The following CNTN5 variants were observed in gnomAD, a reference collection of about 807,000 sequenced individuals.
CNTN5 encodes contactin-5.
A neutral mutation model predicts 129.1 loss-of-function variants in CNTN5; 77 were observed. That is an observed-to-expected ratio of 0.60 (90% CI 0.50 to 0.72). The LOEUF (loss-of-function observed/expected upper bound fraction) is 0.72. CNTN5 is among the 30% of genes least tolerant of loss of function. The pLI is 0.00. For synonymous variants in CNTN5, 509 were observed against 465.6 expected (o/e 1.09, Z -1.20); for missense variants, 1,478 against 1,328.8 (o/e 1.11, Z -1.75).
intron 2 of CNTN5, among the ~76,000 whole-genome samples, chr11:99,334,839 TA>T (rs1461555090): frequency 2.0e-5 from 3 of 151,700 alleles, no homozygotes; most frequent in Admixed American, 6.6e-5. Context: ...TCTTTTTTCT[TA>T]ATTGTTACTA....
At chr11:99,608,598 C>T (rs1950502527) in intron 3 of CNTN5, among the ~76,000 whole-genome samples, 1 of 152,030 alleles carries the variant, frequency 6.6e-6, no homozygotes, top group Non-Finnish European at 1.5e-5. Context: ...TATGAAGAGA[C>T]ACAGGGAGAT....
At chr11:99,038,806 A>G (rs1005552821) in intron 1 of CNTN5, among the ~76,000 whole-genome samples, 2 of 151,992 alleles carry the variant, frequency 1.3e-5, no homozygotes, top group South Asian at 2.1e-4. Context: ...TACATCTTTC[A>G]TTATAAAATG....
At chr11:99,087,059 TG>T (rs1048831925) in intron 1 of CNTN5, among the ~76,000 whole-genome samples, 12 of 152,184 alleles carry the variant, frequency 7.9e-5, no homozygotes, top group African/African-American at 2.9e-4. Context: ...AATCTGGCTG[TG>T]GGTTTTTTGT....
chr11:99,832,462 C>G lies in CNTN5; in HGVS notation c.278-12390C>G, dbSNP rs75815469. 6.6e-3 allele frequency among the ~76,000 whole-genome samples: 1,000 copies of G among 152,232 alleles called. 10 individuals are homozygous for G. Among genetic ancestry groups the G allele is most frequent in the African/African-American group, 0.023 (938 of 41,548 alleles). ...ACTTTAACTTATGTTGTGTGTACAA[C>G]GAAATGCTACACTACCCATGAAACA... On this transcript the variant is annotated intron_variant, in intron 4 of 24. Transcript: ENST00000524871.
intron 3 of CNTN5, among the ~76,000 whole-genome samples, chr11:99,569,545 C>A (rs2135573042): frequency 6.6e-6 from 1 of 152,260 alleles, no homozygotes; most frequent in Admixed American, 6.5e-5. Context: ...AACTCCTGAC[C>A]TTGTGGTCCG....
intron 9 of CNTN5, among the ~76,000 whole-genome samples, chr11:100,056,925 C>G (rs1310423002): frequency 6.6e-6 from 1 of 151,578 alleles, no homozygotes. Flanking sequence ...TATATAAAAA[C>G]TAATTTTTAA....
rs34622017 is a variant in CNTN5 at position 99,792,573 on chromosome 11, G to GTGTGTGTCTGTC, written c.56-26968_56-26967insGTGTCTGTCTGT. Among the ~76,000 whole-genome samples, 540 of 116,660 alleles carry GTGTGTGTCTGTC rather than the reference G, an allele frequency of 4.6e-3. 5 individuals are homozygous for GTGTGTGTCTGTC. The highest frequency in any genetic ancestry group is 0.03 in the East Asian group (123 of 4,070). The allele number at this position is 116,660 out of a possible 152,430, so 76.5% of individuals were successfully genotyped here. On this transcript the variant is annotated intron_variant, in intron 3 of 24. Transcript: ENST00000524871. ...TGTGTGTGTGTGTGTGTGTGTGTGTGTGTCTGTCTGTCTGTCTGTCTGTCT... is the reference window on the plus strand; with the variant it reads ...TGTGTGTGTGTGTGTGTGTGTGTGTGTGTGTGTCTGTCTGTCTGTCTGTCTGTCTGTCTGTCT...
At chr11:99,318,723 G>A (rs1250255891) in intron 1 of CNTN5, among the ~76,000 whole-genome samples, 1 of 152,074 alleles carries the variant, frequency 6.6e-6, no homozygotes, top group Non-Finnish European at 1.5e-5. Flanking sequence ...CAGCTGAGCA[G>A]GTTTGGTACC....
chr11:100,020,328 C>A (rs369854902), intron 9 of CNTN5, among the ~76,000 whole-genome samples: 8 of 151,458 alleles, frequency 5.3e-5, no homozygotes, highest in African/African-American at 1.9e-4. Context: ...AGACAAAGGC[C>A]CTATTTTATT....
chr11:99,879,213 C>G (rs1948710859), intron 6 of CNTN5, among the ~76,000 whole-genome samples: 1 of 152,100 alleles, frequency 6.6e-6, no homozygotes, highest in Non-Finnish European at 1.5e-5. Flanking sequence ...GCTGGGATTA[C>G]AGGCGTGATC....
At chr11:99,370,861 C>A (rs1939777530) in intron 2 of CNTN5, among the ~76,000 whole-genome samples, 1 of 152,100 alleles carries the variant, frequency 6.6e-6, no homozygotes, top group Non-Finnish European at 1.5e-5. Flanking sequence ...TAGATAATGG[C>A]AAAAGATAAT....
At chr11:99,932,515 A>G (rs1229278886) in intron 7 of CNTN5, among the ~76,000 whole-genome samples, 2 of 152,138 alleles carry the variant, frequency 1.3e-5, no homozygotes, top group African/African-American at 2.4e-5. Context: ...TTTTTAAAGT[A>G]CATACCTTAA....
chr11:100,076,242 C>T (rs552805024), intron 13 of CNTN5, among the ~76,000 whole-genome samples: 1 of 152,036 alleles, frequency 6.6e-6, no homozygotes, highest in South Asian at 2.1e-4. Context: ...AATATATATG[C>T]CTTATCTACG....
chr11:99,695,713 C>T (rs1047324794), intron 3 of CNTN5, among the ~76,000 whole-genome samples: 6 of 151,538 alleles, frequency 4.0e-5, no homozygotes, highest in Non-Finnish European at 5.9e-5. Flanking sequence ...TCCATCTCTA[C>T]AAAATAAATA....
chr11:99,706,391 C>T (rs1344914671), intron 3 of CNTN5, among the ~76,000 whole-genome samples: 2 of 151,422 alleles, frequency 1.3e-5, no homozygotes, highest in African/African-American at 4.8e-5. Context: ...GGGTTTAAGT[C>T]ATTTAAAATA....
At chr11:100,073,170 C>G (rs546095152) in intron 12 of CNTN5, among the ~76,000 whole-genome samples, 18 of 151,926 alleles carry the variant, frequency 1.2e-4, no homozygotes, top group Non-Finnish European at 2.2e-4. Flanking sequence ...CCTCAGCGTC[C>G]CAAGTAGCTG....
At position 99,782,997 on chromosome 11, in the gene CNTN5, T is replaced by G. The variant is rs1407647116; in HGVS notation, c.56-36547T>G. ...ACAAATGGGATCTAATTAAAGAGCT[T>G]CTGCACAGCAAAAGAAACTACCATC... On this transcript the variant is annotated intron_variant, in intron 3 of 24. Coordinates refer to ENST00000524871, the MANE Select transcript of CNTN5 (RefSeq NM_014361.4). Among the ~76,000 whole-genome samples, 53 of 151,200 alleles carry G rather than the reference T, an allele frequency of 3.5e-4. 1 individual carries two copies. Among genetic ancestry groups the G allele is most frequent in the Admixed American group, 3.2e-3 (49 of 15,112 alleles).
chr11:100,333,659 A>C (rs1372926767), intron 21 of CNTN5, among the ~76,000 whole-genome samples: 1 of 152,178 alleles, frequency 6.6e-6, no homozygotes, highest in Non-Finnish European at 1.5e-5. Flanking sequence ...GATCTTTGAC[A>C]AATCAAACAA....
At position 99,965,735 on chromosome 11, in the gene CNTN5, G is replaced by A. The variant is rs542129456; in HGVS notation, c.877+8726G>A. ...ATCCTTGTTAACTTTCTGTCTCGTT[G>A]ATCTGTCTAATGTTGACAGTGGGGT... On this transcript the variant is annotated intron_variant, in intron 8 of 24. Transcript: ENST00000524871. Among the ~76,000 whole-genome samples, 460 of 152,174 alleles carry A rather than the reference G, an allele frequency of 3.0e-3. 2 individuals carry two copies. Among genetic ancestry groups the A allele is most frequent in the Non-Finnish European group, 4.8e-3 (323 of 67,996 alleles).
Sources: allele counts gnomAD v4.1 joint callset (sites outside exome capture counted in the v4.1 genomes callset), GRCh38; gene constraint gnomAD v4.1.1; transcripts MANE v1.5; gene names NCBI Gene and HGNC (gene_info 2026-07-23, HGNC 2026-07-21).